Variants in PLOD2 observed in about 807,000 individuals in gnomAD.
PLOD2 encodes procollagen-lysine,2-oxoglutarate 5-dioxygenase 2, also known as lysine hydroxylase 2.
A neutral mutation model predicts 101.0 loss-of-function variants in PLOD2; 65 were observed. That is an observed-to-expected ratio of 0.64 (90% CI 0.53 to 0.79). The LOEUF (loss-of-function observed/expected upper bound fraction) is 0.79. Among genes scored for constraint, PLOD2 ranks in the 30% least tolerant of loss-of-function variants. The pLI is 0.00. For synonymous variants in PLOD2, 314 were observed against 302.9 expected (o/e 1.04, Z -0.38); for missense variants, 909 against 914.6 (o/e 0.99, Z 0.08).
At chr3:146,127,941 G>C (rs867609684) in intron 1 of PLOD2, among the ~76,000 whole-genome samples, 1 of 152,100 alleles carries the variant, frequency 6.6e-6, no homozygotes, top group African/African-American at 2.4e-5. Context: ...AACCTCCATG[G>C]AAAATAGTAT....
chr3:146,120,550 T>C (rs1385318575), intron 3 of PLOD2, among the ~76,000 whole-genome samples: 1 of 152,190 alleles, frequency 6.6e-6, no homozygotes, highest in East Asian at 1.9e-4. Context: ...ATTCAGGACA[T>C]AGGCATGGGC....
At chr3:146,107,667 C>A (rs1335459493) in intron 4 of PLOD2, among the ~76,000 whole-genome samples, 2 of 111,396 alleles carry the variant, frequency 1.8e-5, no homozygotes, top group South Asian at 3.0e-4. Flanking sequence ...GACAGAGTCT[C>A]GCTCTGTCAC....
chr3:146,109,517 A>G (rs1287080500), intron 4 of PLOD2, among the ~76,000 whole-genome samples: 2 of 152,198 alleles, frequency 1.3e-5, no homozygotes, highest in African/African-American at 2.4e-5. Context: ...TACTGGTTAT[A>G]TACACGTAGA....
chr3:146,143,811 A>T (rs1208597635), intron 1 of PLOD2, among the ~76,000 whole-genome samples: 1 of 151,956 alleles, frequency 6.6e-6, no homozygotes, highest in East Asian at 1.9e-4. Context: ...TTCTCTCCAA[A>T]TTTTTTTAAG....
At chr3:146,148,714 G>C (rs570167058) in intron 1 of PLOD2, among the ~76,000 whole-genome samples, 1 of 152,220 alleles carries the variant, frequency 6.6e-6, no homozygotes, top group South Asian at 2.1e-4. Context: ...GAAATACCAA[G>C]TGATATAAAA....
chr3:146,071,331 G>T lies in PLOD2; in HGVS notation c.1941C>A (p.Ile647=). 1 of 1,612,200 alleles carries T rather than the reference G, an allele frequency of 6.2e-7. No individual in the cohort carries two copies. ...VDLENVWLHF[I]REFIAPVTLK... The stretch of plus-strand genomic sequence containing the variant: ...GTGTAACTGGTGCAATGAACTCCCG[G>T]ATAAAATGAAGCCATACATTCTCCA... Residue 647 remains isoleucine (I), a synonymous_variant, in exon 18 of 20, where the codon ATC becomes ATA. Transcript: ENST00000282903.
rs993314647 is a variant in PLOD2 at position 146,081,877 on chromosome 3, G to C, written c.1233-14C>G. 1.2e-6 allele frequency: 2 copies of C among 1,607,666 alleles called. No homozygotes were observed. The highest frequency in any genetic ancestry group is 3.3e-5 in the Admixed American group (2 of 59,906). On this transcript the variant is annotated splice_polypyrimidine_tract_variant and intron_variant, in intron 11 of 19. Transcript: ENST00000282903. ...GCAATGATCTTTCTAAAGACAGAGA[G>C]AGTGTGTGTGAGAGAGAGAAACCTA...
chr3:146,119,042 T>C (rs1159633345), intron 3 of PLOD2, among the ~76,000 whole-genome samples: 1 of 152,160 alleles, frequency 6.6e-6, no homozygotes, highest in African/African-American at 2.4e-5. Context: ...CCACATCTCA[T>C]GTTGAAACGT....
intron 1 of PLOD2, among the ~76,000 whole-genome samples, chr3:146,148,887 G>C (rs891235872): frequency 2.6e-5 from 4 of 152,210 alleles, no homozygotes; most frequent in African/African-American, 9.6e-5. Context: ...TGGACCATAG[G>C]CTGAAAGTCA....
intron 1 of PLOD2, among the ~76,000 whole-genome samples, chr3:146,134,593 T>C (rs2031121029): frequency 6.6e-6 from 1 of 152,226 alleles, no homozygotes; most frequent in African/African-American, 2.4e-5. Context: ...ACCAAGGTTA[T>C]GTAGCTTGCT....
chr3:146,141,452 G>A (rs1024486508), intron 1 of PLOD2, among the ~76,000 whole-genome samples: 1 of 152,032 alleles, frequency 6.6e-6, no homozygotes, highest in Non-Finnish European at 1.5e-5. Flanking sequence ...CCCAACCTCA[G>A]GAGAAGTTCA....
intron 1 of PLOD2, among the ~76,000 whole-genome samples, chr3:146,138,259 A>T (rs2031346709): frequency 6.6e-6 from 1 of 152,034 alleles, no homozygotes; most frequent in African/African-American, 2.4e-5. Context: ...ACTGTTCTAG[A>T]GACTCAGCAT....
At chr3:146,125,318 T>C (rs774756976) in intron 1 of PLOD2, among the ~76,000 whole-genome samples, 65 of 152,176 alleles carry the variant, frequency 4.3e-4, no homozygotes, top group Non-Finnish European at 7.9e-4. Context: ...CTGTCAAATT[T>C]TGAAAGTAAC....
Position 146,115,379 on chromosome 3 carries a change from A to G in PLOD2, c.339-4931T>C, listed in dbSNP as rs147258304. On this transcript the variant is annotated intron_variant, in intron 3 of 19. Coordinates refer to ENST00000282903, the MANE Select transcript of PLOD2 (RefSeq NM_182943.3). ...CCAGACATGTCAGTGTTCTATCTCA[A>G]TAGATGATTGAGATTTTCTAAGTGT... Among the ~76,000 whole-genome samples the G allele has an allele frequency of 1.3e-4, 20 of 152,238 alleles. No homozygotes were observed. The East Asian group carries it at 3.9e-3, about 29-fold the overall frequency.
chr3:146,127,138 A>C (rs1423648119), intron 1 of PLOD2, among the ~76,000 whole-genome samples: 1 of 152,216 alleles, frequency 6.6e-6, no homozygotes, highest in Non-Finnish European at 1.5e-5. Context: ...ATGGTTCAGC[A>C]ATATGAGCTC....
intron 1 of PLOD2, among the ~76,000 whole-genome samples, chr3:146,150,702 G>A (rs7641322): frequency 1.3e-5 from 2 of 151,736 alleles, no homozygotes; most frequent in South Asian, 2.1e-4. Flanking sequence ...GTAACAAACC[G>A]TCACATGTAC....
chr3:146,122,533 T>C (rs2030236769), intron 2 of PLOD2, among the ~76,000 whole-genome samples: 1 of 152,140 alleles, frequency 6.6e-6, no homozygotes, highest in African/African-American at 2.4e-5. Flanking sequence ...CTTCAGGGTA[T>C]CACTCCCAGG....
chr3:146,146,146 C>T (rs897790818), intron 1 of PLOD2, among the ~76,000 whole-genome samples: 3 of 152,054 alleles, frequency 2.0e-5, no homozygotes, highest in Non-Finnish European at 4.4e-5. Context: ...TAGAGCTCCA[C>T]GTTAAAAAGC....
intron 7 of PLOD2, among the ~76,000 whole-genome samples, chr3:146,096,105 T>C (rs1488384527): frequency 6.7e-6 from 1 of 149,960 alleles, no homozygotes; most frequent in African/African-American, 2.5e-5. Context: ...GCCGGGCTGG[T>C]CTCCAGCTCC....
Sources: gnomAD v4.1 joint callset for allele counts (sites outside exome capture counted in the v4.1 genomes callset) on GRCh38, gnomAD v4.1.1 for gene constraint, MANE v1.5 for transcripts, NCBI Gene and HGNC (gene_info 2026-07-23, HGNC 2026-07-21) for gene names.